LRRK2: variants seen among roughly 807,000 people sequenced by gnomAD.
LRRK2 encodes leucine rich repeat kinase 2, also known as leucine-rich repeat serine/threonine-protein kinase 2.
In LRRK2, 203 loss-of-function variants were observed where a neutral mutation model predicts 302.6. The observed-to-expected ratio is 0.67, with a 90% CI of 0.60 to 0.75. LRRK2 has a LOEUF of 0.75. LRRK2 is among the 30% of genes least tolerant of loss of function. The pLI, the probability that LRRK2 is intolerant of heterozygous loss-of-function variation, is 0.00. For missense variants in LRRK2, 2,830 were observed against 2,951.0 expected, an observed-to-expected ratio of 0.96 and a Z score of 0.95; for synonymous variants, 1,066 against 1,031.9, an observed-to-expected ratio of 1.03 and a Z score of -0.63.
chr12:40,367,166 A>G (rs1946903352), intron 50 of LRRK2, 89 bp downstream of exon 50: 8 of 1,064,000 alleles, frequency 7.5e-6, no homozygotes, highest in Non-Finnish European at 1.1e-5. Flanking sequence ...TGTAGAAAAT[A>G]TTACATATGG....
chr12:40,297,169 G>A (rs2136731494), intron 23 of LRRK2, among the ~76,000 whole-genome samples: 1 of 152,306 alleles, frequency 6.6e-6, no homozygotes, highest in South Asian at 2.1e-4. Flanking sequence ...TTGATTTGTG[G>A]AGGAATAAAT....
intron 8 of LRRK2, among the ~76,000 whole-genome samples, chr12:40,250,538 G>A (rs1942213993): frequency 6.6e-6 from 1 of 152,200 alleles, no homozygotes; most frequent in African/African-American, 2.4e-5. Flanking sequence ...ACACGTGCAG[G>A]ATGTGCAGGT....
intron 14 of LRRK2, among the ~76,000 whole-genome samples, chr12:40,266,651 G>A (rs923572674): frequency 6.6e-6 from 1 of 152,078 alleles, no homozygotes; most frequent in African/African-American, 2.4e-5. Flanking sequence ...CCTGTTAGTG[G>A]GTATATACCC....
chr12:40,301,439 T>C (rs1260827861), intron 25 of LRRK2, among the ~76,000 whole-genome samples: 3 of 151,956 alleles, frequency 2.0e-5, no homozygotes, highest in Non-Finnish European at 2.9e-5. Context: ...AATCAAACAA[T>C]CAATAAATCC....
chr12:40,233,122 A>G (rs139999912), intron 3 of LRRK2, among the ~76,000 whole-genome samples: 2,739 of 152,232 alleles, frequency 0.018, 76 homozygotes, highest in African/African-American at 0.061. Flanking sequence ...AATCACTTGA[A>G]CCTGGGAGGC....
In LRRK2 at chr12:40,313,868, AAT is replaced by A. The variant is rs890303340; in HGVS notation, c.4537-99_4537-98del. ...TTTATTTAAAAATGTACTTCTGAAT[AAT>A]ATATCTGTTTCTGTAAAAACTGTTA... is the stretch of plus-strand genomic sequence containing the variant. On this transcript the variant is annotated intron_variant, in intron 31 of 50. Transcript: ENST00000298910. 1.2e-5 allele frequency: 10 copies of A among 823,688 alleles called. No homozygotes were observed. The East Asian group carries it at 2.4e-4, about 20-fold the overall frequency. 51.0% of individuals were successfully genotyped at this position (823,688 alleles called of 1,614,324 possible). A position where few individuals can be genotyped will look rare whatever the true frequency, so the allele number is the denominator to read the frequency against.
chr12:40,316,177 T>A (rs950717216), intron 33 of LRRK2: 1 of 267,848 alleles, frequency 3.7e-6, no homozygotes, highest in Non-Finnish European at 5.7e-6. Flanking sequence ...CCTAAAATTA[T>A]TATATATTTT....
At chr12:40,258,259 G>T (rs756419281) in intron 12 of LRRK2, among the ~76,000 whole-genome samples, 9 of 152,256 alleles carry the variant, frequency 5.9e-5, no homozygotes, top group Non-Finnish European at 1.0e-4. Flanking sequence ...AGTGCATATA[G>T]CATGAAATGT....
In LRRK2 at chr12:40,225,185, G is replaced by A. The variant is rs766282693; in HGVS notation, c.54G>A (p.Lys18=). 1.2e-6 allele frequency: 2 copies of A among 1,614,222 alleles called. No individual in the cohort carries two copies. Among genetic ancestry groups the A allele is most frequent in the Non-Finnish European group, 1.7e-6 (2 of 1,180,026 alleles). Reference sequence around the variant, plus strand: ...AAGAGGACGAGGAAACTCTGAAGAAGTTGATAGTCAGGCTGAACAATGTCC... The same window carrying A: ...AAGAGGACGAGGAAACTCTGAAGAAATTGATAGTCAGGCTGAACAATGTCC... ...GCEEDEETLK[K]LIVRLNNVQE... The change falls in exon 1 of 51, where the codon AAG becomes AAA. Residue 18 remains lysine, a synonymous_variant. Transcript: ENST00000298910.
At chr12:40,344,049 T>C (rs1021800357) in intron 41 of LRRK2, among the ~76,000 whole-genome samples, 4 of 152,208 alleles carry the variant, frequency 2.6e-5, no homozygotes, top group African/African-American at 9.6e-5. Flanking sequence ...AAATATTCAT[T>C]TCCATATCTT....
chr12:40,359,506 C>A, intron 47 of LRRK2, 62 bp downstream of exon 47: 1 of 1,263,184 alleles, frequency 7.9e-7, no homozygotes, highest in Non-Finnish European at 1.1e-6. Flanking sequence ...TCCTTATAAT[C>A]ATTAATAATA....
chr12:40,296,342 A>T lies in LRRK2; in HGVS notation c.3096+698A>T, dbSNP rs549906957. On this transcript the variant is annotated intron_variant, in intron 23 of 50. Transcript: ENST00000298910. ...TTAATGCAAATGTTTAAATTGTTAA[A>T]TTCTCAAGGCTGGGCATGGTGACTC... Among the ~76,000 whole-genome samples the T allele has an allele frequency of 6.6e-5, 10 of 152,304 alleles. 1 individual carries two copies. The East Asian group carries it at 1.7e-3, about 26-fold the overall frequency.
chr12:40,251,455 C>T lies in LRRK2; in HGVS notation c.1102-10C>T. ...ATTTTGACAGATTTCTTTTTTCTCCCCTAATCCAGGAGGCCGCATGCTGGG... is the reference window on the plus strand; with the variant it reads ...ATTTTGACAGATTTCTTTTTTCTCCTCTAATCCAGGAGGCCGCATGCTGGG... On this transcript the variant is annotated splice_polypyrimidine_tract_variant and intron_variant, in intron 9 of 50. Coordinates refer to ENST00000298910, the MANE Select transcript of LRRK2 (RefSeq NM_198578.4). 1 of 1,610,868 alleles carries T rather than the reference C, an allele frequency of 6.2e-7. No individual in the cohort carries two copies. The highest frequency in any genetic ancestry group is 8.5e-7 in the Non-Finnish European group (1 of 1,178,138).
intron 39 of LRRK2, among the ~76,000 whole-genome samples, chr12:40,331,399 C>G (rs571960395): frequency 6.6e-6 from 1 of 152,144 alleles, no homozygotes; most frequent in Non-Finnish European, 1.5e-5. Flanking sequence ...AGGCTTTGCT[C>G]TCTAGATGCT....
intron 41 of LRRK2, 28 bp downstream of exon 41, chr12:40,340,482 C>G: frequency 6.2e-7 from 1 of 1,612,392 alleles, no homozygotes; most frequent in Non-Finnish European, 8.5e-7. Flanking sequence ...TCTCATAATT[C>G]TATCTTCAGG....
In LRRK2 at chr12:40,271,149, C is replaced by T. The variant is rs118055639; in HGVS notation, c.1657-3434C>T. ...GGCTATCAGTCATATGATGTTGGAT[C>T]TCTTTTGCCTTAATCTTCTAATTTT... On this transcript the variant is annotated intron_variant, in intron 14 of 50. Transcript: ENST00000298910. 3.2e-4 allele frequency among the ~76,000 whole-genome samples: 48 copies of T among 152,158 alleles called. No individual in the cohort carries two copies. The East Asian group carries it at 7.5e-3, about 24-fold the overall frequency.
intron 2 of LRRK2, among the ~76,000 whole-genome samples, chr12:40,229,933 A>G (rs1303646059): frequency 7.4e-6 from 1 of 134,952 alleles, no homozygotes; most frequent in Non-Finnish European, 1.6e-5. Context: ...AGGTACAGAG[A>G]TGAGTTTGGC....
chr12:40,365,477 GCTGAA>G (rs1421552726), intron 49 of LRRK2: 2 of 160,918 alleles, frequency 1.2e-5, no homozygotes, highest in Non-Finnish European at 2.7e-5. Flanking sequence ...AGCAATACAT[GCTGAA>G]CTGCACAACC....
Position 40,278,242 on chromosome 12 carries a change from G to C in LRRK2, c.2222G>C (p.Gly741Ala). ...LGADANQAKE[G>A]SSLICQVCEK... Reference sequence around the variant, plus strand: ...GCAGATGCCAATCAAGCAAAGGAGGGATCTTCTTTAATTTGTCAGGTAAAT... The same window carrying C: ...GCAGATGCCAATCAAGCAAAGGAGGCATCTTCTTTAATTTGTCAGGTAAAT... The change falls in exon 18 of 51, where the codon GGA becomes GCA. Residue 741 changes from glycine (G) to alanine (A), a missense_variant. By Grantham distance (60) the Gly-to-Ala change is moderately conservative. This residue lies in a region of LRRK2 where 2,121 missense variants were observed against 2,148.0 expected (regional missense o/e 0.99). Transcript: ENST00000298910. The C allele has an allele frequency of 1.9e-6, 3 of 1,614,022 alleles. No individual in the cohort carries two copies. Among genetic ancestry groups the C allele is most frequent in the Non-Finnish European group, 2.5e-6 (3 of 1,179,960 alleles).
Sources: gnomAD v4.1 joint callset for allele counts (sites outside exome capture counted in the v4.1 genomes callset) on GRCh38, gnomAD v4.1.1 for gene constraint, gnomAD v4.1.1 regional missense constraint, MANE v1.5 for transcripts, NCBI Gene and HGNC (gene_info 2026-07-23, HGNC 2026-07-21) for gene names.